Variants in B3GALT5 observed in about 807,000 individuals in gnomAD.
The protein encoded by B3GALT5 is beta-1,3-galactosyltransferase 5.
For missense variants in B3GALT5, 328 were observed against 396.6 expected (o/e 0.83, Z 1.47); for synonymous variants, 156 against 158.6 (o/e 0.98, Z 0.12).
chr21:39,644,736 C>T (rs2079320804), intron 1 of B3GALT5, among the ~76,000 whole-genome samples: 1 of 152,212 alleles, frequency 6.6e-6, no homozygotes, highest in Non-Finnish European at 1.5e-5. Context: ...ATTTAATTCT[C>T]ACATCAACCT....
intron 2 of B3GALT5, among the ~76,000 whole-genome samples, chr21:39,652,236 G>A (rs1434824546): frequency 4.6e-5 from 7 of 152,182 alleles, no homozygotes; most frequent in Non-Finnish European, 7.3e-5. Flanking sequence ...CAGCACCTTC[G>A]ACCACACTTC....
Position 39,670,948 on chromosome 21 carries a change from CT to C in B3GALT5, c.*9457del, listed in dbSNP as rs2079622488. 1 of 152,232 alleles carries C rather than the reference CT, an allele frequency of 6.6e-6. No individual in the cohort carries two copies. The highest frequency in any genetic ancestry group is 1.5e-5 in the Non-Finnish European group (1 of 68,046). The allele number at this position is 152,232 out of a possible 1,614,324, so 9.4% of individuals were successfully genotyped here. On this transcript the variant is annotated 3_prime_UTR_variant, in exon 4 of 4. Coordinates refer to ENST00000684187, the MANE Select transcript of B3GALT5 (RefSeq NM_001356336.2). ...TGTTGCTGTAACAGAATACCACAGA[CT>C]GGGCGATTTATAGACAATAGAAATT...
intron 1 of B3GALT5, among the ~76,000 whole-genome samples, chr21:39,633,029 T>G (rs1235604755): frequency 6.6e-6 from 1 of 152,200 alleles, no homozygotes; most frequent in Non-Finnish European, 1.5e-5. Flanking sequence ...ATTCTCATGC[T>G]AATTTTTTCC....
At chr21:39,622,833 A>C in intron 1 of B3GALT5, among the ~76,000 whole-genome samples, 1 of 151,690 alleles carries the variant, frequency 6.6e-6, no homozygotes, top group East Asian at 1.9e-4. Flanking sequence ...ACAGTTTTCT[A>C]CATTCCCATT....
rs550638801 is a variant in B3GALT5, at chr21:39,670,663, G to A, written c.*9171G>A. 3 of 151,936 alleles carry A rather than the reference G, an allele frequency of 2.0e-5. No individual in the cohort carries two copies. Among genetic ancestry groups the A allele is most frequent in the Admixed American group, 1.3e-4 (2 of 15,258 alleles). The allele number at this position is 151,936 out of a possible 1,614,324, so 9.4% of individuals were successfully genotyped here. A position where few individuals can be genotyped will look rare whatever the true frequency, so the allele number is the denominator to read the frequency against. On this transcript the variant is annotated 3_prime_UTR_variant, in exon 4 of 4. Transcript: ENST00000684187. The stretch of plus-strand genomic sequence containing the variant: ...ATCAACCAGCCTATTGAGTATCTAC[G>A]TGTTTTTTTTACAGGCAAGAACTGA...
At chr21:39,654,472 G>A (rs1240580056) in intron 2 of B3GALT5, among the ~76,000 whole-genome samples, 2 of 152,226 alleles carry the variant, frequency 1.3e-5, no homozygotes, top group African/African-American at 4.8e-5. Context: ...TGGTGAAGAT[G>A]CTGTGAACAT....
intron 1 of B3GALT5, among the ~76,000 whole-genome samples, chr21:39,638,670 T>C (rs1399146346): frequency 2.6e-5 from 4 of 152,152 alleles, no homozygotes; most frequent in African/African-American, 7.2e-5. Context: ...TAACACAAGC[T>C]GCCTACGGAT....
intron 1 of B3GALT5, among the ~76,000 whole-genome samples, chr21:39,627,612 G>A (rs763263397): frequency 6.0e-5 from 9 of 150,416 alleles, no homozygotes; most frequent in Non-Finnish European, 1.0e-4. Flanking sequence ...TCATTTTTCT[G>A]CTCCTGGACA....
At chr21:39,639,150 C>T (rs1467042945) in intron 1 of B3GALT5, among the ~76,000 whole-genome samples, 1 of 152,164 alleles carries the variant, frequency 6.6e-6, no homozygotes, top group Non-Finnish European at 1.5e-5. Context: ...CAGAACAGGT[C>T]ATACTCCATG....
intron 2 of B3GALT5, among the ~76,000 whole-genome samples, chr21:39,655,569 C>T (rs1026114284): frequency 1.3e-5 from 2 of 152,148 alleles, no homozygotes; most frequent in Admixed American, 6.5e-5. Flanking sequence ...GAGATTCTCT[C>T]TGCTTGAGGC....
intron 1 of B3GALT5, among the ~76,000 whole-genome samples, chr21:39,639,341 TC>T (rs2079259088): frequency 7.9e-6 from 1 of 126,198 alleles, no homozygotes; most frequent in Non-Finnish European, 1.7e-5. Flanking sequence ...TTTCTTTCTT[TC>T]TTTCTTTCCT....
chr21:39,638,314 G>C (rs1393466341), intron 1 of B3GALT5, among the ~76,000 whole-genome samples: 1 of 152,146 alleles, frequency 6.6e-6, no homozygotes, highest in Non-Finnish European at 1.5e-5. Context: ...GCGGGACGTC[G>C]AGAGGAGCAC....
chr21:39,630,879 C>T (rs1467290890), intron 1 of B3GALT5, among the ~76,000 whole-genome samples: 1 of 152,026 alleles, frequency 6.6e-6, no homozygotes, highest in Non-Finnish European at 1.5e-5. Flanking sequence ...AGTGTCTCTG[C>T]TTTAAGAGTG....
intron 1 of B3GALT5, among the ~76,000 whole-genome samples, chr21:39,642,693 G>C (rs2079299581): frequency 6.6e-6 from 1 of 152,156 alleles, no homozygotes; most frequent in Non-Finnish European, 1.5e-5. Flanking sequence ...TTAACATATG[G>C]AGGAAGTGGG....
At chr21:39,637,985 T>G (rs909620016) in intron 1 of B3GALT5, among the ~76,000 whole-genome samples, 1 of 152,148 alleles carries the variant, frequency 6.6e-6, no homozygotes. Context: ...AGGGTCAGGG[T>G]GTTGCCTTTT....
At position 39,671,609 on chromosome 21, in the gene B3GALT5, T is replaced by C. The variant is rs893138018; in HGVS notation, c.*10117T>C. On this transcript the variant is annotated 3_prime_UTR_variant, in exon 4 of 4. Transcript: ENST00000684187. ...ATTCATTATTGTTGGGACTTGTTTT[T>C]ATTTCTGTTTCGTTCTACGTGACCC... The C allele has an allele frequency of 6.6e-6, 1 of 152,242 alleles. No individual in the cohort carries two copies. Among genetic ancestry groups the C allele is most frequent in the Non-Finnish European group, 1.5e-5 (1 of 68,052 alleles). The allele number at this position is 152,242 out of a possible 1,614,324, so 9.4% of individuals were successfully genotyped here.
chr21:39,621,908 T>G (rs554522695), intron 1 of B3GALT5, among the ~76,000 whole-genome samples: 1 of 152,128 alleles, frequency 6.6e-6, no homozygotes, highest in African/African-American at 2.4e-5. Context: ...ATCAATGACT[T>G]GATAGTTATA....
At chr21:39,644,985 A>G (rs953522824) in intron 1 of B3GALT5, among the ~76,000 whole-genome samples, 1 of 152,038 alleles carries the variant, frequency 6.6e-6, no homozygotes, top group Non-Finnish European at 1.5e-5. Flanking sequence ...GTGTTGTCAG[A>G]TGATTGGCCC....
chr21:39,632,334 G>T (rs1361804230), intron 1 of B3GALT5, among the ~76,000 whole-genome samples: 3 of 152,218 alleles, frequency 2.0e-5, no homozygotes, highest in African/African-American at 7.2e-5. Flanking sequence ...TAGGCTATTG[G>T]TGACCTTTGG....
Sources: gnomAD v4.1 joint callset for allele counts (sites outside exome capture counted in the v4.1 genomes callset) on GRCh38, gnomAD v4.1.1 for gene constraint, MANE v1.5 for transcripts, NCBI Gene and HGNC (gene_info 2026-07-23, HGNC 2026-07-21) for gene names.